The following JADE2 variants were observed in gnomAD, a reference collection of about 807,000 sequenced individuals.
The protein encoded by JADE2 is jade family PHD finger 2, also known as E3 ubiquitin-protein ligase Jade-2.
Under a neutral mutation model 85.7 loss-of-function variants are expected in JADE2, and 13 were observed. The ratio of observed to expected loss-of-function variants is 0.15; its 90% CI spans 0.10 to 0.24. JADE2 has a LOEUF of 0.24. Among genes scored for constraint, JADE2 ranks in the 10% least tolerant of loss-of-function variants. The pLI, the probability that JADE2 is intolerant of heterozygous loss-of-function variation, is 1.00. For synonymous variants in JADE2, 440 were observed against 456.1 expected (o/e 0.96, Z 0.45); for missense variants, 846 against 1,115.9 (o/e 0.76, Z 3.45).
At chr5:134,538,313 G>C (rs1330123351) in intron 3 of JADE2, among the ~76,000 whole-genome samples, 1 of 152,224 alleles carries the variant, frequency 6.6e-6, no homozygotes, top group Non-Finnish European at 1.5e-5. Context: ...ATCTCAGACA[G>C]GGTAATGACA....
chr5:134,562,241 G>C lies in JADE2; in HGVS notation c.726G>C (p.Leu242=). 1 of 1,613,948 alleles carries C rather than the reference G, an allele frequency of 6.2e-7. No homozygotes were observed. The highest frequency in any genetic ancestry group is 8.5e-7 in the Non-Finnish European group (1 of 1,179,926). The part of the protein sequence containing the change: ...GILKVPTGSW[L]CRTCALGVQP... ...TCAAGGTGCCCACGGGCAGCTGGCT[G>C]TGCCGGACGTGTGCCCTGGGTGTCC... Residue 242 remains leucine, a synonymous_variant, in exon 7 of 12, where the codon CTG becomes CTC. Coordinates refer to ENST00000681547, the MANE Select transcript of JADE2 (RefSeq NM_001388185.1). This position sits in a 1 kb window ranked among gnomAD's most constrained non-coding sequence, Gnocchi z 4.6.
intron 8 of JADE2, 39 bp downstream of exon 8, chr5:134,564,649 C>T (rs1410603369): frequency 1.3e-5 from 18 of 1,352,952 alleles, no homozygotes; most frequent in Non-Finnish European, 1.8e-5. Flanking sequence ...CAGGAGCTGG[C>T]TGAGAGGCAT....
chr5:134,547,360 C>G (rs945497670), intron 3 of JADE2, among the ~76,000 whole-genome samples: 8 of 152,230 alleles, frequency 5.3e-5, no homozygotes, highest in African/African-American at 1.9e-4. Context: ...ATCTCCTAAG[C>G]AGCTCAGCAG....
At position 134,539,524 on chromosome 5, in the gene JADE2, G is replaced by A. The variant is rs1236612279; in HGVS notation, c.153+1441G>A. Among the ~76,000 whole-genome samples, 5 of 152,220 alleles carry A rather than the reference G, an allele frequency of 3.3e-5. No homozygotes were observed. In the South Asian group the frequency reaches 8.3e-4, roughly 25 times the overall value. ...AATCCTGGCTCTTAAGTAGGACACT[G>A]TACTACAGCCAAGAAGTAGCCAGGC... On this transcript the variant is annotated intron_variant, in intron 3 of 11. Coordinates refer to ENST00000681547, the MANE Select transcript of JADE2 (RefSeq NM_001388185.1).
chr5:134,564,747 GC>G, intron 8 of JADE2, 137 bp downstream of exon 8: 1 of 555,768 alleles, frequency 1.8e-6, no homozygotes. Context: ...TGGGACTGGG[GC>G]CAGAGTCAGA....
chr5:134,576,685 G>A, intron 10 of JADE2, 83 bp from the exon 11 acceptor site: 1 of 1,506,912 alleles, frequency 6.6e-7, no homozygotes, highest in South Asian at 1.2e-5. Context: ...GAGGACTCCT[G>A]GGCTGCCACG....
Position 134,566,558 on chromosome 5 carries a change from A to G in JADE2, c.1412A>G (p.His471Arg). ...TACCGCCGCCTGAAGCTCTTCACCC[A>G]TCTGCGGCAGGACCTAGAGAGGGTG... Reference protein sequence around the residue: ...VLYRRLKLFTHLRQDLERVRN... With the variant: ...VLYRRLKLFTRLRQDLERVRN... The change falls in exon 9 of 12, where the codon CAT (histidine) becomes CGT (arginine). Residue 471 changes from histidine (H) to arginine (R), a missense_variant. His to Arg is a conservative substitution (Grantham distance 29). Around this residue, in one of 9 missense-constraint regions of JADE2, gnomAD observed 88 missense variants for 140.6 expected, o/e 0.63. Transcript: ENST00000681547. This position sits in a 1 kb window ranked among gnomAD's most constrained non-coding sequence, Gnocchi z 6.7. 1 of 1,567,308 alleles carries G rather than the reference A, an allele frequency of 6.4e-7. No individual in the cohort carries two copies. The highest frequency in any genetic ancestry group is 8.7e-7 in the Non-Finnish European group (1 of 1,155,700).
chr5:134,543,039 CT>C (rs60959964), intron 3 of JADE2, among the ~76,000 whole-genome samples: 29,466 of 140,982 alleles, frequency 0.21, 2,999 homozygotes, highest in East Asian at 0.37. Flanking sequence ...TACCTGTACT[CT>C]TTTTTTTTTT....
chr5:134,539,379 A>G (rs1761830424), intron 3 of JADE2, among the ~76,000 whole-genome samples: 1 of 149,614 alleles, frequency 6.7e-6, no homozygotes, highest in African/African-American at 2.5e-5. Context: ...TTGTATTTTT[A>G]GTAGAGATGG....
At chr5:134,543,642 A>C (rs910895727) in intron 3 of JADE2, among the ~76,000 whole-genome samples, 2 of 152,112 alleles carry the variant, frequency 1.3e-5, no homozygotes, top group African/African-American at 2.4e-5. Context: ...GCACCACTGC[A>C]CTCCAGCCTG....
chr5:134,543,319 T>C (rs977965656), intron 3 of JADE2, among the ~76,000 whole-genome samples: 1 of 149,214 alleles, frequency 6.7e-6, no homozygotes, highest in Non-Finnish European at 1.5e-5. Context: ...CGTGAGCCAC[T>C]GTGCCCCCTA....
chr5:134,550,263 T>C (rs1241228215), intron 3 of JADE2, among the ~76,000 whole-genome samples: 6 of 152,230 alleles, frequency 3.9e-5, no homozygotes, highest in Non-Finnish European at 1.5e-5. Context: ...TTGACCTTTT[T>C]CAAGCCAGGG....
At position 134,547,085 on chromosome 5, in the gene JADE2, C is replaced by G. The variant is rs532078450; in HGVS notation, c.154-4967C>G. The stretch of plus-strand genomic sequence containing the variant: ...TATTTGCTCTTGGAGGTCACTCATG[C>G]TCTGCTTTCTTGCAGAGTTCTTCCT... On this transcript the variant is annotated intron_variant, in intron 3 of 11. Transcript: ENST00000681547. Among the ~76,000 whole-genome samples, 6 of 152,332 alleles carry G rather than the reference C, an allele frequency of 3.9e-5. No individual in the cohort carries two copies. In the East Asian group the frequency reaches 1.2e-3, roughly 29 times the overall value.
At position 134,578,003 on chromosome 5, in the gene JADE2, T is replaced by G. The variant is rs1266376480; in HGVS notation, c.1682-491T>G. Among the ~76,000 whole-genome samples the G allele has an allele frequency of 6.6e-6, 1 of 152,122 alleles. No individual in the cohort carries two copies. The highest frequency in any genetic ancestry group is 1.5e-5 in the Non-Finnish European group (1 of 68,008). ...GGGCATTTTCCTCCAGATTCCTCCTTCCCCAACCCCACCAGAATGGGGGTA... is the reference window on the plus strand; with the variant it reads ...GGGCATTTTCCTCCAGATTCCTCCTGCCCCAACCCCACCAGAATGGGGGTA... On this transcript the variant is annotated intron_variant, in intron 11 of 11. Coordinates refer to ENST00000681547, the MANE Select transcript of JADE2 (RefSeq NM_001388185.1). The surrounding 1 kb of genome is among the most constrained non-coding windows in gnomAD (Gnocchi z 4.4).
intron 1 of JADE2, among the ~76,000 whole-genome samples, chr5:134,534,446 C>A (rs1761456191): frequency 6.6e-6 from 1 of 152,110 alleles, no homozygotes; most frequent in South Asian, 2.1e-4. Context: ...CCTCAATGAG[C>A]CTTCCTGCCA....
At chr5:134,565,609 C>A (rs1763592234) in intron 8 of JADE2, among the ~76,000 whole-genome samples, 1 of 152,134 alleles carries the variant, frequency 6.6e-6, no homozygotes, top group Non-Finnish European at 1.5e-5. Context: ...CTTTGGGAGG[C>A]CGAGGCAGGT....
intron 1 of JADE2, among the ~76,000 whole-genome samples, chr5:134,529,329 G>A (rs1179997098): frequency 6.6e-6 from 1 of 152,188 alleles, no homozygotes; most frequent in Non-Finnish European, 1.5e-5. Flanking sequence ...TCTGCTCAAA[G>A]CTCCTTTCAG....
rs565125040 is a variant in JADE2, at chr5:134,580,447, C to G, written c.*1130C>G. On this transcript the variant is annotated 3_prime_UTR_variant, in exon 12 of 12. Coordinates refer to ENST00000681547, the MANE Select transcript of JADE2 (RefSeq NM_001388185.1). ...CCATCCCCCCCCCCGTCCTGCCATC[C>G]CCCCCCGCCGTCCTGCCTTCCCCAC... 1.5e-3 allele frequency: 191 copies of G among 124,574 alleles called. 2 individuals carry two copies. The highest frequency in any genetic ancestry group is 5.0e-3 in the African/African-American group (178 of 35,636). 7.7% of individuals were successfully genotyped at this position (124,574 alleles called of 1,614,324 possible).
Position 134,578,194 on chromosome 5 carries a change from C to T in JADE2, c.1682-300C>T, listed in dbSNP as rs1379213387. Among the ~76,000 whole-genome samples, 2 of 152,210 alleles carry T rather than the reference C, an allele frequency of 1.3e-5. No homozygotes were observed. Among genetic ancestry groups the T allele is most frequent in the East Asian group, 3.8e-4 (2 of 5,204 alleles). On this transcript the variant is annotated intron_variant, in intron 11 of 11. Transcript: ENST00000681547. This position sits in a 1 kb window ranked among gnomAD's most constrained non-coding sequence, Gnocchi z 4.4. ...AACTAAAAGAGCTATAACACTCCAC[C>T]TTGAAATTCTTAATAATATTTGAAC...
Sources: allele counts gnomAD v4.1 joint callset (sites outside exome capture counted in the v4.1 genomes callset), GRCh38; gene constraint gnomAD v4.1.1; regional missense constraint gnomAD v4.1.1; non-coding constraint Gnocchi (gnomAD v3.1); transcripts MANE v1.5; gene names NCBI Gene and HGNC (gene_info 2026-07-23, HGNC 2026-07-21).